KATNAL1: variants seen among roughly 807,000 people sequenced by gnomAD.
KATNAL1 encodes the protein katanin catalytic subunit A1 like 1, also known as katanin p60 ATPase-containing subunit A-like 1.
A neutral mutation model predicts 55.2 loss-of-function variants in KATNAL1; 32 were observed. The observed-to-expected ratio is 0.58, with a 90% CI of 0.44 to 0.78. The LOEUF is 0.78. KATNAL1 is among the 30% of genes least tolerant of loss of function. KATNAL1 has a pLI of 0.00. For missense variants in KATNAL1, 466 were observed against 600.9 expected (o/e 0.78, Z 2.35); for synonymous variants, 193 against 193.6 (o/e 1.00, Z 0.02).
intron 8 of KATNAL1, among the ~76,000 whole-genome samples, chr13:30,229,856 T>G (rs894095532): frequency 3.3e-5 from 5 of 151,776 alleles, no homozygotes; most frequent in Non-Finnish European, 5.9e-5. Flanking sequence ...TTAAAAATAT[T>G]AATTCACTTA....
At chr13:30,210,628 T>A in intron 9 of KATNAL1, 186 bp from the exon 10 acceptor site, 1 of 231,178 alleles carries the variant, frequency 4.3e-6, no homozygotes, top group Non-Finnish European at 8.0e-6. Flanking sequence ...CCTATGTGCC[T>A]CTGTTGCAGT....
At chr13:30,243,162 T>C (rs117925728) in intron 4 of KATNAL1, among the ~76,000 whole-genome samples, 2,850 of 152,272 alleles carry the variant, frequency 0.019, 37 homozygotes, top group Non-Finnish European at 0.031. Flanking sequence ...AGCATGAAGG[T>C]TGATATACTT....
intron 3 of KATNAL1, among the ~76,000 whole-genome samples, chr13:30,275,547 T>C (rs1001969419): frequency 6.6e-6 from 1 of 152,150 alleles, no homozygotes; most frequent in African/African-American, 2.4e-5. Context: ...AGAGTGGTTA[T>C]TACCAGGGGC....
chr13:30,205,770 G>C lies in KATNAL1; in HGVS notation c.*2770C>G, dbSNP rs1434842087. The C allele has an allele frequency of 1.3e-5, 2 of 155,320 alleles. No individual in the cohort carries two copies. The highest frequency in any genetic ancestry group is 1.4e-5 in the Non-Finnish European group (1 of 71,112). The allele number at this position is 155,320 out of a possible 1,614,324, so 9.6% of individuals were successfully genotyped here. ...AAAGACTGTGTGTGTGTGTGTGTGT[G>C]TGTGTGTGTGTGTGTGTGTCTCACG... On this transcript the variant is annotated 3_prime_UTR_variant, in exon 11 of 11. Coordinates refer to ENST00000380615, the MANE Select transcript of KATNAL1 (RefSeq NM_032116.5).
Position 30,291,614 on chromosome 13 carries a change from C to G in KATNAL1, c.-14-7823G>C, listed in dbSNP as rs552602114. 3.9e-5 allele frequency among the ~76,000 whole-genome samples: 6 copies of G among 152,172 alleles called. No homozygotes were observed. The East Asian group carries it at 9.6e-4, about 24-fold the overall frequency. ...AAAGAACACAAAATAGACAAAAGTTCTGAAAAACAATAAAGTAGGACTTAC... is the reference window on the plus strand; with the variant it reads ...AAAGAACACAAAATAGACAAAAGTTGTGAAAAACAATAAAGTAGGACTTAC... On this transcript the variant is annotated intron_variant, in intron 1 of 10. Transcript: ENST00000380615.
chr13:30,240,881 A>T, intron 5 of KATNAL1, 78 bp downstream of exon 5: 2 of 1,301,546 alleles, frequency 1.5e-6, no homozygotes, highest in Non-Finnish European at 2.2e-6. Flanking sequence ...ATGAATAACA[A>T]GAGAAAACTC....
chr13:30,228,575 C>T (rs1350009368), intron 8 of KATNAL1, among the ~76,000 whole-genome samples: 1 of 152,170 alleles, frequency 6.6e-6, no homozygotes, highest in Admixed American at 6.5e-5. Flanking sequence ...TTCTCCTATA[C>T]CCCACTTCAA....
chr13:30,303,888 A>C (rs1293238665), intron 1 of KATNAL1, among the ~76,000 whole-genome samples: 1 of 152,202 alleles, frequency 6.6e-6, no homozygotes, highest in Non-Finnish European at 1.5e-5. Flanking sequence ...TACCTGATCC[A>C]CCTGCTTAAT....
intron 2 of KATNAL1, 23 bp downstream of exon 2, chr13:30,283,593 C>A: frequency 1.2e-6 from 2 of 1,610,490 alleles, no homozygotes; most frequent in Non-Finnish European, 1.7e-6. Flanking sequence ...CCTAACTCAT[C>A]TAATACTTTA....
At chr13:30,268,182 C>T (rs1307045142) in intron 3 of KATNAL1, among the ~76,000 whole-genome samples, 1 of 152,124 alleles carries the variant, frequency 6.6e-6, no homozygotes. Context: ...CCTAAGGCAC[C>T]TGGCTGAAGC....
At chr13:30,221,975 C>G (rs1038840082) in intron 9 of KATNAL1, among the ~76,000 whole-genome samples, 6 of 152,142 alleles carry the variant, frequency 3.9e-5, no homozygotes, top group Non-Finnish European at 7.3e-5. Context: ...CCCTTGAACC[C>G]AGGAGGCGGA....
chr13:30,231,276 C>T, intron 7 of KATNAL1, 38 bp downstream of exon 7: 4 of 1,562,540 alleles, frequency 2.6e-6, no homozygotes, highest in Middle Eastern at 4.0e-4. Flanking sequence ...CATAGGCCTA[C>T]ACACACTACT....
chr13:30,215,710 G>A (rs1366199971), intron 9 of KATNAL1, among the ~76,000 whole-genome samples: 1 of 151,768 alleles, frequency 6.6e-6, no homozygotes, highest in African/African-American at 2.4e-5. Context: ...TCACTCATAG[G>A]TGGGAATTGA....
At chr13:30,265,701 A>AT (rs796445869) in intron 3 of KATNAL1, among the ~76,000 whole-genome samples, 8,381 of 143,620 alleles carry the variant, frequency 0.058, 289 homozygotes, top group Middle Eastern at 0.099. Flanking sequence ...CTTTTAAGAG[A>AT]TTTTTTTTTT....
intron 9 of KATNAL1, among the ~76,000 whole-genome samples, chr13:30,217,387 G>A (rs961183720): frequency 2.6e-5 from 4 of 152,160 alleles, no homozygotes; most frequent in African/African-American, 9.7e-5. Context: ...TCAGGGGGCG[G>A]AGCTTGCAGT....
intron 3 of KATNAL1, among the ~76,000 whole-genome samples, chr13:30,274,896 C>CGT (rs1555265602): frequency 3.3e-4 from 33 of 100,634 alleles, no homozygotes; most frequent in African/African-American, 3.7e-4. Context: ...CACATACGCG[C>CGT]GCGCGCGCGC....
intron 9 of KATNAL1, among the ~76,000 whole-genome samples, chr13:30,225,057 C>T (rs1308461983): frequency 6.6e-6 from 1 of 152,288 alleles, no homozygotes; most frequent in South Asian, 2.1e-4. Context: ...GTAGTTTCTG[C>T]CACATTTCTT....
intron 1 of KATNAL1, among the ~76,000 whole-genome samples, chr13:30,300,577 T>G (rs186702801): frequency 7.9e-5 from 12 of 152,238 alleles, no homozygotes; most frequent in Non-Finnish European, 1.5e-4. Context: ...ATACAATGGC[T>G]GCTATAAATA....
rs1440986200 is a variant in KATNAL1, at chr13:30,207,856, G to T, written c.*684C>A. ...TTCTTCCCACCTTTCCATATTAAAT[G>T]TAAGAAGCACCAGCAAAAAATACTA... On this transcript the variant is annotated 3_prime_UTR_variant, in exon 11 of 11. Coordinates refer to ENST00000380615, the MANE Select transcript of KATNAL1 (RefSeq NM_032116.5). The T allele has an allele frequency of 1.3e-5, 2 of 152,162 alleles. No homozygotes were observed. Among genetic ancestry groups the T allele is most frequent in the African/African-American group, 4.8e-5 (2 of 41,428 alleles). The allele number at this position is 152,162 out of a possible 1,614,324, so 9.4% of individuals were successfully genotyped here. A position where few individuals can be genotyped will look rare whatever the true frequency, so the allele number is the denominator to read the frequency against.
Sources: gnomAD v4.1 joint callset for allele counts (sites outside exome capture counted in the v4.1 genomes callset) on GRCh38, gnomAD v4.1.1 for gene constraint, MANE v1.5 for transcripts, NCBI Gene and HGNC (gene_info 2026-07-23, HGNC 2026-07-21) for gene names.